Variants in WDFY4 observed in about 807,000 individuals in gnomAD.
The protein encoded by WDFY4 is WDFY family member 4.
WDFY4 carries 169 observed loss-of-function variants against 351.9 expected under a neutral mutation model. That is an observed-to-expected ratio of 0.48 (90% CI 0.42 to 0.55). The LOEUF (loss-of-function observed/expected upper bound fraction) is 0.55. Ranked by LOEUF, WDFY4 falls within the 20% of genes least tolerant of loss-of-function variation. The pLI is 0.00. For missense variants in WDFY4, 3,803 were observed against 3,935.6 expected, an observed-to-expected ratio of 0.97 and a Z score of 0.90; for synonymous variants, 1,622 against 1,574.6, an observed-to-expected ratio of 1.03 and a Z score of -0.71.
chr10:48,862,786 C>T (rs903646808), intron 39 of WDFY4, among the ~76,000 whole-genome samples: 1 of 152,030 alleles, frequency 6.6e-6, no homozygotes, highest in African/African-American at 2.4e-5. Flanking sequence ...TAGTATATTC[C>T]CAGATATGTG....
At chr10:48,930,847 A>C (rs1167009043) in intron 47 of WDFY4, among the ~76,000 whole-genome samples, 1 of 152,222 alleles carries the variant, frequency 6.6e-6, no homozygotes, top group African/African-American at 2.4e-5. Context: ...ATGTCATGTT[A>C]GTGAAAGAAA....
intron 47 of WDFY4, chr10:48,909,467 A>T (rs1837810607): frequency 1.3e-5 from 2 of 151,282 alleles, no homozygotes; most frequent in Non-Finnish European, 2.9e-5. Flanking sequence ...GTAAAGGAAT[A>T]CTTAAGGCTA....
intron 13 of WDFY4, among the ~76,000 whole-genome samples, chr10:48,774,097 A>G (rs1360426894): frequency 2.6e-5 from 4 of 152,234 alleles, no homozygotes; most frequent in African/African-American, 9.6e-5. Context: ...AGACTTTTCA[A>G]TGCTAGCAGT....
At chr10:48,967,363 G>A (rs1033914422) in intron 55 of WDFY4, 2 of 152,226 alleles carry the variant, frequency 1.3e-5, no homozygotes, top group Admixed American at 6.5e-5. Context: ...TGAGAAATAG[G>A]TTGAGCCAGT....
intron 51 of WDFY4, among the ~76,000 whole-genome samples, chr10:48,953,135 C>T (rs983764394): frequency 2.6e-5 from 4 of 152,084 alleles, no homozygotes; most frequent in Admixed American, 6.6e-5. Context: ...AACTTCTATC[C>T]CCTTCTCCTT....
At chr10:48,939,609 G>T (rs986540085) in intron 47 of WDFY4, among the ~76,000 whole-genome samples, 2 of 152,226 alleles carry the variant, frequency 1.3e-5, no homozygotes, top group African/African-American at 4.8e-5. Flanking sequence ...GGATGATGCG[G>T]TTTATTAACT....
intron 40 of WDFY4, among the ~76,000 whole-genome samples, chr10:48,871,243 G>A (rs887439907): frequency 8.5e-5 from 13 of 152,092 alleles, no homozygotes; most frequent in African/African-American, 2.7e-4. Flanking sequence ...CCGGATATGT[G>A]TTCTTAAAAA....
chr10:48,907,269 C>G (rs1029223989), intron 47 of WDFY4, among the ~76,000 whole-genome samples: 7 of 152,186 alleles, frequency 4.6e-5, no homozygotes, highest in African/African-American at 1.7e-4. Context: ...CTCTTTCTCT[C>G]AAATCTCTCT....
chr10:48,689,518 A>G (rs1441149647), intron 1 of WDFY4, among the ~76,000 whole-genome samples: 1 of 152,268 alleles, frequency 6.6e-6, no homozygotes, highest in Non-Finnish European at 1.5e-5. Flanking sequence ...ATATTGGGTT[A>G]AGTGAAATAT....
In WDFY4 at chr10:48,787,900, C is replaced by CT. The variant is rs1565198561; in HGVS notation, c.3809-628dup. ...TTTCTTTCTTCTTCTTCTCCTTCTT[C>CT]TTCTTCTTCTTCTTCTTCTTCTTCT... On this transcript the variant is annotated intron_variant, in intron 20 of 61. Coordinates refer to ENST00000325239, the MANE Select transcript of WDFY4 (RefSeq NM_001394531.1). 7.3e-3 allele frequency among the ~76,000 whole-genome samples: 199 copies of CT among 27,144 alleles called. 7 individuals are homozygous for CT. The highest frequency in any genetic ancestry group is 0.02 in the East Asian group (23 of 1,144). The allele number at this position is 27,144 out of a possible 152,430, so 17.8% of individuals were successfully genotyped here. A position where few individuals can be genotyped will look rare whatever the true frequency, so the allele number is the denominator to read the frequency against.
In WDFY4 at chr10:48,805,293, G is replaced by T; in HGVS notation, c.4518G>T (p.Gln1506His). ...EGPRNAEAAH[Q>H]AQLIPKLIFL... is the part of the protein sequence containing the mutation. ...CCAGGAATGCTGAAGCTGCCCACCA[G>T]GCACAGCTTATACCCAAGCTCATCT... The change falls in exon 26 of 62, where the codon CAG (glutamine) becomes CAT (histidine). Residue 1506 changes from glutamine (Q) to histidine (H), a missense_variant. Around this residue, in one of 3 missense-constraint regions of WDFY4, gnomAD observed 3,054 missense variants for 3,148.6 expected, o/e 0.97. Coordinates refer to ENST00000325239, the MANE Select transcript of WDFY4 (RefSeq NM_001394531.1). 6.5e-7 allele frequency: 1 copy of T among 1,546,494 alleles called. No homozygotes were observed. The highest frequency in any genetic ancestry group is 8.7e-7 in the Non-Finnish European group (1 of 1,146,954).
intron 30 of WDFY4, among the ~76,000 whole-genome samples, chr10:48,812,243 G>A (rs902480100): frequency 2.1e-5 from 3 of 143,778 alleles, no homozygotes; most frequent in African/African-American, 8.3e-5. Flanking sequence ...CTGGGAGAGT[G>A]CAGTGGCGTG....
chr10:48,809,349 TCAC>T (rs202218382), intron 28 of WDFY4, among the ~76,000 whole-genome samples: 1,933 of 142,132 alleles, frequency 0.014, 19 homozygotes, highest in African/African-American at 0.015. Flanking sequence ...ATCACCATCA[TCAC>T]CACATTAATC....
intron 6 of WDFY4, 29 bp downstream of exon 6, chr10:48,726,099 G>A (rs937375228): frequency 6.6e-7 from 1 of 1,525,772 alleles, no homozygotes; most frequent in African/African-American, 1.4e-5. Flanking sequence ...GATGTGGGCT[G>A]TGGGCCATGC....
intron 40 of WDFY4, among the ~76,000 whole-genome samples, chr10:48,872,063 A>T (rs1455998031): frequency 1.3e-5 from 2 of 152,186 alleles, no homozygotes; most frequent in Admixed American, 1.3e-4. Context: ...ACTGCTGGTG[A>T]TTCACAGAAA....
At chr10:48,887,395 A>G (rs1209107914) in intron 43 of WDFY4, among the ~76,000 whole-genome samples, 1 of 152,174 alleles carries the variant, frequency 6.6e-6, no homozygotes, top group Non-Finnish European at 1.5e-5. Flanking sequence ...TGGGAGTGTA[A>G]ATTAGTGTCA....
intron 49 of WDFY4, among the ~76,000 whole-genome samples, chr10:48,944,655 G>C (rs944383820): frequency 1.3e-5 from 2 of 152,290 alleles, no homozygotes; most frequent in Non-Finnish European, 1.5e-5. Context: ...GCAGCAAAAC[G>C]TTTCTCACTA....
At position 48,790,924 on chromosome 10, in the gene WDFY4, C is replaced by T. The variant is rs998543992; in HGVS notation, c.4257+7C>T. The stretch of plus-strand genomic sequence containing the variant: ...ACACATCTGTGGGTACCAGGTAATC[C>T]CATCCTCCCACCTGGAACTGAGACT... On this transcript the variant is annotated splice_region_variant and intron_variant, in intron 23 of 61. Coordinates refer to ENST00000325239, the MANE Select transcript of WDFY4 (RefSeq NM_001394531.1). 6.4e-7 allele frequency: 1 copy of T among 1,551,368 alleles called. No individual in the cohort carries two copies. Among genetic ancestry groups the T allele is most frequent in the African/African-American group, 1.4e-5 (1 of 73,044 alleles).
At chr10:48,896,054 C>A (rs1837060946) in intron 44 of WDFY4, among the ~76,000 whole-genome samples, 1 of 152,202 alleles carries the variant, frequency 6.6e-6, no homozygotes, top group African/African-American at 2.4e-5. Context: ...CTGGGTCTTG[C>A]AAACTGAATG....
Sources: allele counts gnomAD v4.1 joint callset (sites outside exome capture counted in the v4.1 genomes callset), GRCh38; gene constraint gnomAD v4.1.1; regional missense constraint gnomAD v4.1.1; transcripts MANE v1.5; gene names NCBI Gene and HGNC (gene_info 2026-07-23, HGNC 2026-07-21).